The following GABRB1 variants were observed in gnomAD, a reference collection of about 807,000 sequenced individuals.
GABRB1 encodes the protein gamma-aminobutyric acid type A receptor subunit beta1, also known as gamma-aminobutyric acid receptor subunit beta-1.
Under a neutral mutation model 51.6 loss-of-function variants are expected in GABRB1, and 17 were observed. That is an observed-to-expected ratio of 0.33 (90% CI 0.23 to 0.49). GABRB1 has a LOEUF of 0.49. Ranked by LOEUF, GABRB1 falls within the 20% of genes least tolerant of loss-of-function variation. The probability of loss-of-function intolerance (pLI) is 0.99; values close to 1 mark genes in which losing one functional copy is unlikely to be tolerated. For synonymous variants in GABRB1, 247 were observed against 218.9 expected (o/e 1.13, Z -1.14); for missense variants, 410 against 600.6 (o/e 0.68, Z 3.32).
chr4:47,110,495 A>T (rs888286239), intron 3 of GABRB1, among the ~76,000 whole-genome samples: 1 of 152,188 alleles, frequency 6.6e-6, no homozygotes, highest in Non-Finnish European at 1.5e-5. Context: ...TCCAAAAAAT[A>T]TGTTTGTCAA....
intron 3 of GABRB1, among the ~76,000 whole-genome samples, chr4:47,042,522 C>A (rs1725901542): frequency 6.7e-6 from 1 of 148,494 alleles, no homozygotes; most frequent in Non-Finnish European, 1.5e-5. Flanking sequence ...AAAATAATCA[C>A]TACTTTTCAT....
At position 47,179,701 on chromosome 4, in the gene GABRB1, G is replaced by A. The variant is rs537835443; in HGVS notation, c.461+18232G>A. Among the ~76,000 whole-genome samples, 280 of 152,162 alleles carry A rather than the reference G, an allele frequency of 1.8e-3. 1 individual carries two copies. The highest frequency in any genetic ancestry group is 3.5e-3 in the Non-Finnish European group (235 of 67,996). Reference sequence around the variant, plus strand: ...AGTTAGATAGGCATGGTGGTAAATAGGACCATATCTCAATTACTTCAGGAT... The same window carrying A: ...AGTTAGATAGGCATGGTGGTAAATAAGACCATATCTCAATTACTTCAGGAT... On this transcript the variant is annotated intron_variant, in intron 4 of 8. Transcript: ENST00000295454.
chr4:47,209,048 T>A (rs1720249033), intron 4 of GABRB1, among the ~76,000 whole-genome samples: 1 of 152,142 alleles, frequency 6.6e-6, no homozygotes, highest in South Asian at 2.1e-4. Context: ...AAGTATAACA[T>A]GATGAACTGT....
intron 5 of GABRB1, among the ~76,000 whole-genome samples, chr4:47,374,567 C>T (rs1378968708): frequency 6.6e-6 from 1 of 152,134 alleles, no homozygotes; most frequent in Non-Finnish European, 1.5e-5. Flanking sequence ...ATTTGAAGCC[C>T]TCCTGATTTC....
At chr4:47,173,589 A>G (rs1317191383) in intron 4 of GABRB1, among the ~76,000 whole-genome samples, 8 of 152,204 alleles carry the variant, frequency 5.3e-5, no homozygotes, top group African/African-American at 1.9e-4. Flanking sequence ...TCACTTCCAG[A>G]TTTTAAAAAA....
At chr4:47,002,760 A>T (rs1204502667) in intron 1 of GABRB1, among the ~76,000 whole-genome samples, 1 of 152,172 alleles carries the variant, frequency 6.6e-6, no homozygotes, top group Non-Finnish European at 1.5e-5. Flanking sequence ...ACAGTGGTGA[A>T]ATATTTGGTC....
At chr4:47,241,126 T>C (rs568226086) in intron 4 of GABRB1, among the ~76,000 whole-genome samples, 1 of 152,232 alleles carries the variant, frequency 6.6e-6, no homozygotes, top group Non-Finnish European at 1.5e-5. Context: ...TACAGCATCA[T>C]TTATAGTTTT....
intron 3 of GABRB1, among the ~76,000 whole-genome samples, chr4:47,128,627 T>G (rs1040191850): frequency 6.6e-6 from 1 of 152,006 alleles, no homozygotes; most frequent in Non-Finnish European, 1.5e-5. Context: ...ATGTAGCCAA[T>G]TCCATGCATT....
At chr4:47,285,120 A>G (rs570063574) in intron 4 of GABRB1, among the ~76,000 whole-genome samples, 1 of 152,348 alleles carries the variant, frequency 6.6e-6, no homozygotes, top group Admixed American at 6.5e-5. Context: ...GTGATAAAAA[A>G]TTGAAATTGC....
intron 8 of GABRB1, among the ~76,000 whole-genome samples, chr4:47,411,527 A>G (rs1728761734): frequency 6.6e-6 from 1 of 152,200 alleles, no homozygotes; most frequent in African/African-American, 2.4e-5. Context: ...GGTATGACTG[A>G]TTATAAAGAA....
intron 3 of GABRB1, among the ~76,000 whole-genome samples, chr4:47,097,611 T>G (rs1336214718): frequency 1.3e-5 from 2 of 152,184 alleles, no homozygotes; most frequent in Admixed American, 6.5e-5. Context: ...CACATAGAAT[T>G]TTGTCTGTTT....
chr4:47,266,386 G>A (rs1199839947), intron 4 of GABRB1, among the ~76,000 whole-genome samples: 1 of 152,072 alleles, frequency 6.6e-6, no homozygotes, highest in Non-Finnish European at 1.5e-5. Context: ...TTTTTGCTTA[G>A]GATTGTTTTG....
At chr4:47,229,800 A>G (rs535783864) in intron 4 of GABRB1, among the ~76,000 whole-genome samples, 1 of 152,236 alleles carries the variant, frequency 6.6e-6, no homozygotes, top group African/African-American at 2.4e-5. Flanking sequence ...AAGTTAAGGG[A>G]TGTTTAACTT....
At chr4:47,412,441 C>A (rs563299801) in intron 8 of GABRB1, among the ~76,000 whole-genome samples, 2 of 152,284 alleles carry the variant, frequency 1.3e-5, no homozygotes, top group Non-Finnish European at 2.9e-5. Flanking sequence ...AGCTTCTGCT[C>A]CAGACTGTCT....
intron 5 of GABRB1, among the ~76,000 whole-genome samples, chr4:47,325,887 C>T (rs1725240868): frequency 6.6e-6 from 1 of 152,066 alleles, no homozygotes; most frequent in Non-Finnish European, 1.5e-5. Flanking sequence ...GAAACCTAGC[C>T]CCCAATATAA....
intron 4 of GABRB1, among the ~76,000 whole-genome samples, chr4:47,169,256 G>A (rs1163530577): frequency 6.6e-6 from 1 of 152,072 alleles, no homozygotes; most frequent in African/African-American, 2.4e-5. Flanking sequence ...TGAACTCACT[G>A]ACTATTTGAT....
At chr4:47,343,802 A>G (rs574075413) in intron 5 of GABRB1, among the ~76,000 whole-genome samples, 118 of 152,358 alleles carry the variant, frequency 7.7e-4, no homozygotes, top group African/African-American at 2.7e-3. Flanking sequence ...TGTACCACGT[A>G]TTCATATTAT....
intron 5 of GABRB1, among the ~76,000 whole-genome samples, chr4:47,348,491 A>G (rs1231876361): frequency 6.6e-6 from 1 of 152,188 alleles, no homozygotes; most frequent in Non-Finnish European, 1.5e-5. Context: ...ATGTATGTAT[A>G]TGGTATATAT....
intron 4 of GABRB1, among the ~76,000 whole-genome samples, chr4:47,205,754 C>T: frequency 6.6e-6 from 1 of 152,004 alleles, no homozygotes; most frequent in Non-Finnish European, 1.5e-5. Flanking sequence ...AGCTTCTGCA[C>T]TTACTGAGTC....
Sources: gnomAD v4.1 joint callset for allele counts (sites outside exome capture counted in the v4.1 genomes callset) on GRCh38, gnomAD v4.1.1 for gene constraint, MANE v1.5 for transcripts, NCBI Gene and HGNC (gene_info 2026-07-23, HGNC 2026-07-21) for gene names.